MBNL1: variants seen among roughly 807,000 people sequenced by gnomAD.
The protein encoded by MBNL1 is muscleblind-like protein 1.
Under a neutral mutation model 42.2 loss-of-function variants are expected in MBNL1, and 8 were observed. The observed-to-expected ratio is 0.19, with a 90% CI of 0.11 to 0.34. MBNL1 has a LOEUF of 0.34. Ranked by LOEUF, MBNL1 falls within the 10% of genes least tolerant of loss-of-function variation. MBNL1 has a pLI of 1.00. For missense variants in MBNL1, 309 were observed against 495.3 expected (o/e 0.62, Z 3.57); for synonymous variants, 169 against 173.9 (o/e 0.97, Z 0.22).
At chr3:152,344,374 G>A (rs1172370635) in intron 2 of MBNL1, among the ~76,000 whole-genome samples, 2 of 152,098 alleles carry the variant, frequency 1.3e-5, no homozygotes, top group Admixed American at 1.3e-4. Flanking sequence ...AAAGTTTAGT[G>A]GTTGCCACAA....
chr3:152,253,005 G>A (rs2034892565), intron 2 of MBNL1, among the ~76,000 whole-genome samples: 1 of 152,044 alleles, frequency 6.6e-6, no homozygotes, highest in South Asian at 2.1e-4. Flanking sequence ...TACTGACTGT[G>A]GATCTTGTAT....
chr3:152,317,590 G>T lies in MBNL1; in HGVS notation c.174+17223G>T, dbSNP rs544455980. 2.0e-5 allele frequency among the ~76,000 whole-genome samples: 3 copies of T among 152,152 alleles called. 1 individual carries two copies. Among genetic ancestry groups the T allele is most frequent in the African/African-American group, 7.2e-5 (3 of 41,496 alleles). The stretch of plus-strand genomic sequence containing the variant: ...CCACCTTGGCCTCTGAAAGTGTTGG[G>T]ATTACAGGCGTGAGCCACCGTGCCT... On this transcript the variant is annotated intron_variant, in intron 2 of 9. Coordinates refer to ENST00000324210, the MANE Select transcript of MBNL1 (RefSeq NM_021038.5).
intron 2 of MBNL1, among the ~76,000 whole-genome samples, chr3:152,258,649 A>G (rs1356916532): frequency 1.3e-5 from 2 of 152,226 alleles, no homozygotes; most frequent in Admixed American, 6.5e-5. Flanking sequence ...CATACTTGGT[A>G]TGTATATATC....
At position 152,291,063 on chromosome 3, in the gene MBNL1, T is replaced by C. The variant is rs1166920127; in HGVS notation, c.-789-8342T>C. Among the ~76,000 whole-genome samples the C allele has an allele frequency of 2.0e-5, 3 of 152,204 alleles. No individual in the cohort carries two copies. In the East Asian group the frequency reaches 5.8e-4, roughly 29 times the overall value. ...ATGATATGGACAGATCAGATATGTC[T>C]ACCTGAGGCTAACAAGATGATGTCT... On this transcript the variant is annotated intron_variant, in intron 1 of 9. Transcript: ENST00000324210.
At chr3:152,402,893 A>G (rs1299319904) in intron 2 of MBNL1, among the ~76,000 whole-genome samples, 2 of 152,210 alleles carry the variant, frequency 1.3e-5, no homozygotes, top group African/African-American at 2.4e-5. Context: ...GACTGTGGGC[A>G]TGAGCCTCCT....
At chr3:152,253,920 G>C (rs1268343354) in intron 2 of MBNL1, among the ~76,000 whole-genome samples, 1 of 152,008 alleles carries the variant, frequency 6.6e-6, no homozygotes, top group African/African-American at 2.4e-5. Context: ...ACAACATGTT[G>C]ATTTTTATTT....
At chr3:152,448,101 T>C (rs2153871705) in intron 6 of MBNL1, among the ~76,000 whole-genome samples, 1 of 152,356 alleles carries the variant, frequency 6.6e-6, no homozygotes, top group South Asian at 2.1e-4. Flanking sequence ...ACTTTCTTGC[T>C]GTAAGACCCC....
intron 2 of MBNL1, among the ~76,000 whole-genome samples, chr3:152,357,050 C>A (rs906030907): frequency 6.6e-5 from 10 of 152,084 alleles, no homozygotes; most frequent in African/African-American, 2.4e-4. Context: ...AAATGTTGGT[C>A]TTCACTTTAC....
chr3:152,375,586 T>C (rs773827184), intron 2 of MBNL1, among the ~76,000 whole-genome samples: 1 of 152,160 alleles, frequency 6.6e-6, no homozygotes, highest in African/African-American at 2.4e-5. Flanking sequence ...TATTAGGTCT[T>C]CTTCACATGT....
In MBNL1 at chr3:152,313,516, G is replaced by A. The variant is rs189975606; in HGVS notation, c.174+13149G>A. Reference sequence around the variant, plus strand: ...CTTTCAAGATTTGTGAGGATTCAATGAGATCAGTTAGATATAAATCATTTA... The same window carrying A: ...CTTTCAAGATTTGTGAGGATTCAATAAGATCAGTTAGATATAAATCATTTA... On this transcript the variant is annotated intron_variant, in intron 2 of 9. Coordinates refer to ENST00000324210, the MANE Select transcript of MBNL1 (RefSeq NM_021038.5). Among the ~76,000 whole-genome samples, 15 of 152,278 alleles carry A rather than the reference G, an allele frequency of 9.9e-5. No individual in the cohort carries two copies. In the East Asian group the frequency reaches 2.9e-3, roughly 29 times the overall value.
intron 2 of MBNL1, among the ~76,000 whole-genome samples, chr3:152,345,493 A>C (rs2094094418): frequency 6.6e-6 from 1 of 152,194 alleles, no homozygotes; most frequent in Non-Finnish European, 1.5e-5. Context: ...CTATGTGGAA[A>C]TAGGACTTTG....
intron 1 of MBNL1, among the ~76,000 whole-genome samples, chr3:152,278,834 T>A (rs1031719941): frequency 6.6e-6 from 1 of 152,132 alleles, no homozygotes; most frequent in African/African-American, 2.4e-5. Flanking sequence ...TTGTAGTAGG[T>A]CACAAGAGGG....
At chr3:152,367,067 T>C (rs1157148208) in intron 2 of MBNL1, among the ~76,000 whole-genome samples, 1 of 152,174 alleles carries the variant, frequency 6.6e-6, no homozygotes, top group Non-Finnish European at 1.5e-5. Context: ...TTTTAAGTTC[T>C]GGGATACATG....
At chr3:152,457,383 T>G (rs990485437) in intron 8 of MBNL1, among the ~76,000 whole-genome samples, 11 of 152,144 alleles carry the variant, frequency 7.2e-5, no homozygotes, top group African/African-American at 2.7e-4. Flanking sequence ...ATGAACATGT[T>G]CCCCCTTGGG....
rs192570334 is a variant in MBNL1 at position 152,272,927 on chromosome 3, G to A, written c.-790+3835G>A. Among the ~76,000 whole-genome samples, 6 of 152,284 alleles carry A rather than the reference G, an allele frequency of 3.9e-5. No homozygotes were observed. In the East Asian group the frequency reaches 9.6e-4, roughly 24 times the overall value. On this transcript the variant is annotated intron_variant, in intron 1 of 9. Coordinates refer to ENST00000324210, the MANE Select transcript of MBNL1 (RefSeq NM_021038.5). ...TGTGGTTCTTTTCTAGCCATATAAA[G>A]TATGCTTACTATTATTTTCTCGAAG...
chr3:152,456,404 T>C, intron 8 of MBNL1, 43 bp downstream of exon 8: 1 of 1,507,100 alleles, frequency 6.6e-7, no homozygotes, highest in African/African-American at 1.4e-5. Context: ...ACAACTCTAA[T>C]AGGGCTCAAT....
intron 1 of MBNL1, among the ~76,000 whole-genome samples, chr3:152,288,811 T>A (rs2054151103): frequency 6.6e-6 from 1 of 152,242 alleles, no homozygotes; most frequent in African/African-American, 2.4e-5. Flanking sequence ...GTTTTAGGAA[T>A]GAAATGCCAT....
Position 152,445,497 on chromosome 3 carries a change from CCAGGCT to C in MBNL1, c.766_771del (p.Gln256_Ala257del). 3 of 1,614,040 alleles carry C rather than the reference CCAGGCT, an allele frequency of 1.9e-6. No individual in the cohort carries two copies. The highest frequency in any genetic ancestry group is 2.5e-6 in the Non-Finnish European group (3 of 1,179,940). ...TCAAGGCTGCCCAATACCAGGTCAA[CCAGGCT>C]GCAGCTGCACAGGCTGCAGCCACCG... On this transcript the variant is annotated inframe_deletion, in exon 5 of 10. Coordinates refer to ENST00000324210, the MANE Select transcript of MBNL1 (RefSeq NM_021038.5).
intron 2 of MBNL1, among the ~76,000 whole-genome samples, chr3:152,251,376 A>C (rs1172912474): frequency 1.3e-5 from 2 of 152,134 alleles, no homozygotes; most frequent in Non-Finnish European, 2.9e-5. Flanking sequence ...TTGAACTAAT[A>C]TATGCATTAC....
Sources: gnomAD v4.1 joint callset for allele counts (sites outside exome capture counted in the v4.1 genomes callset) on GRCh38, gnomAD v4.1.1 for gene constraint, MANE v1.5 for transcripts, NCBI Gene and HGNC (gene_info 2026-07-23, HGNC 2026-07-21) for gene names.